The following PRKCE variants were observed in gnomAD, a reference collection of about 807,000 sequenced individuals.
The protein encoded by PRKCE is protein kinase C epsilon, also known as protein kinase C epsilon type.
PRKCE carries 16 observed loss-of-function variants against 85.4 expected under a neutral mutation model. That is an observed-to-expected ratio of 0.19 (90% CI 0.13 to 0.28). The LOEUF (loss-of-function observed/expected upper bound fraction) is 0.28, where lower values mean the gene tolerates loss of function less well. Ranked by LOEUF, PRKCE falls within the 10% of genes least tolerant of loss-of-function variation. The pLI, the probability that PRKCE is intolerant of heterozygous loss-of-function variation, is 1.00. For synonymous variants in PRKCE, 388 were observed against 371.5 expected, an observed-to-expected ratio of 1.04 and a Z score of -0.51; for missense variants, 573 against 975.2, an observed-to-expected ratio of 0.59 and a Z score of 5.49.
chr2:45,677,049 GGCGACATTTCA>G (rs1233485315), intron 1 of PRKCE: 3 of 152,096 alleles, frequency 2.0e-5, no homozygotes, highest in Middle Eastern at 3.1e-3. Flanking sequence ...TTTGGGAGAA[GGCGACATTTCA>G]GCAGAGACCT....
intron 2 of PRKCE, among the ~76,000 whole-genome samples, chr2:45,904,950 C>T (rs1227058863): frequency 3.9e-5 from 6 of 152,116 alleles, no homozygotes; most frequent in African/African-American, 1.2e-4. Flanking sequence ...TGTGAGGTCC[C>T]GGGCGTGGAC....
chr2:45,774,047 A>C lies in PRKCE; in HGVS notation c.349-68953A>C, dbSNP rs1685558091. Among the ~76,000 whole-genome samples the C allele has an allele frequency of 6.6e-6, 1 of 152,118 alleles. No homozygotes were observed. Among genetic ancestry groups the C allele is most frequent in the Non-Finnish European group, 1.5e-5 (1 of 67,996 alleles). Reference sequence around the variant, plus strand: ...GTAGAAATTTCCTTCTAGACCCCAGAGTCCTCCCCTCCCCCGCTGCTGCTG... The same window carrying C: ...GTAGAAATTTCCTTCTAGACCCCAGCGTCCTCCCCTCCCCCGCTGCTGCTG... On this transcript the variant is annotated intron_variant, in intron 1 of 14. Coordinates refer to ENST00000306156, the MANE Select transcript of PRKCE (RefSeq NM_005400.3). This position sits in a 1 kb window ranked among gnomAD's most constrained non-coding sequence, Gnocchi z 4.3.
chr2:45,802,426 C>A (rs1399590105), intron 1 of PRKCE, among the ~76,000 whole-genome samples: 1 of 151,782 alleles, frequency 6.6e-6, no homozygotes. Flanking sequence ...GCATAAAGGT[C>A]CATCTTAAAG....
At chr2:45,860,091 G>A (rs374680677) in intron 2 of PRKCE, among the ~76,000 whole-genome samples, 10 of 151,370 alleles carry the variant, frequency 6.6e-5, no homozygotes, top group Admixed American at 3.3e-4. Context: ...CTAATTATCC[G>A]TTTGCCCCTC....
At chr2:46,034,883 CAA>C (rs754094533) in intron 10 of PRKCE, among the ~76,000 whole-genome samples, 1 of 152,378 alleles carries the variant, frequency 6.6e-6, no homozygotes, top group East Asian at 1.9e-4. Flanking sequence ...TGCACCTTTG[CAA>C]ACCATTCTGA....
rs976468010 is a variant in PRKCE, at chr2:45,786,791, A to T, written c.349-56209A>T. Among the ~76,000 whole-genome samples, 1 of 152,182 alleles carries T rather than the reference A, an allele frequency of 6.6e-6. No individual in the cohort carries two copies. The highest frequency in any genetic ancestry group is 1.5e-5 in the Non-Finnish European group (1 of 68,028). ...CCTCCAACAGTTCAGTGAGGTAACC[A>T]CTACCCTCACCCCCGTTTTACAGAG... On this transcript the variant is annotated intron_variant, in intron 1 of 14. Coordinates refer to ENST00000306156, the MANE Select transcript of PRKCE (RefSeq NM_005400.3). The surrounding 1 kb of genome is among the most constrained non-coding windows in gnomAD (Gnocchi z 5.3).
At chr2:45,776,342 C>T (rs4952773) in intron 1 of PRKCE, among the ~76,000 whole-genome samples, 80,698 of 152,064 alleles carry the variant, frequency 0.53, 23,827 homozygotes, top group East Asian at 0.74. Context: ...GAATCCCCTA[C>T]GAGTTTCGGC....
At chr2:46,183,077 C>T (rs1680155596) in intron 14 of PRKCE, among the ~76,000 whole-genome samples, 1 of 152,198 alleles carries the variant, frequency 6.6e-6, no homozygotes, top group Non-Finnish European at 1.5e-5. Context: ...ATCAAATGAG[C>T]GAATAAATGC....
chr2:46,046,117 T>C (rs1403295040), intron 10 of PRKCE, among the ~76,000 whole-genome samples: 1 of 152,234 alleles, frequency 6.6e-6, no homozygotes, highest in Non-Finnish European at 1.5e-5. Context: ...GAGAGGCCAG[T>C]GCCCCTGCTT....
intron 11 of PRKCE, among the ~76,000 whole-genome samples, chr2:46,142,988 A>C (rs1675705255): frequency 6.6e-6 from 1 of 152,192 alleles, no homozygotes; most frequent in African/African-American, 2.4e-5. Context: ...GCATTGGAGG[A>C]AGTCAACCAA....
intron 2 of PRKCE, among the ~76,000 whole-genome samples, chr2:45,863,309 A>G (rs1364300886): frequency 1.3e-5 from 2 of 152,118 alleles, no homozygotes; most frequent in Non-Finnish European, 2.9e-5. Context: ...TATCTCCTAC[A>G]TAAAGGTAGG....
intron 1 of PRKCE, among the ~76,000 whole-genome samples, chr2:45,827,197 C>T (rs1030158195): frequency 3.9e-5 from 6 of 152,248 alleles, no homozygotes; most frequent in African/African-American, 1.4e-4. Flanking sequence ...ACCTCCATGC[C>T]TTTGCATCTG....
intron 11 of PRKCE, among the ~76,000 whole-genome samples, chr2:46,107,902 G>A (rs184138538): frequency 6.6e-6 from 1 of 152,174 alleles, no homozygotes; most frequent in African/African-American, 2.4e-5. Flanking sequence ...TTTTAATTGA[G>A]TTGTTTTCTT....
intron 2 of PRKCE, among the ~76,000 whole-genome samples, chr2:45,857,562 G>A (rs983133564): frequency 2.0e-5 from 3 of 152,062 alleles, no homozygotes; most frequent in Non-Finnish European, 4.4e-5. Flanking sequence ...TCATTGTTTC[G>A]ATGGATTGAT....
intron 4 of PRKCE, 22 bp downstream of exon 4, chr2:45,979,032 A>T (rs780966086): frequency 6.3e-7 from 1 of 1,597,826 alleles, no homozygotes; most frequent in South Asian, 1.1e-5. Context: ...TTATGAATTA[A>T]ATCTTCAGAG....
At chr2:46,156,813 A>C (rs1449283126) in intron 13 of PRKCE, among the ~76,000 whole-genome samples, 1 of 152,212 alleles carries the variant, frequency 6.6e-6, no homozygotes, top group Non-Finnish European at 1.5e-5. Flanking sequence ...AACACAAAGC[A>C]TAAAATCAGA....
intron 5 of PRKCE, among the ~76,000 whole-genome samples, chr2:45,983,899 G>C (rs997698861): frequency 6.6e-6 from 1 of 151,838 alleles, no homozygotes; most frequent in African/African-American, 2.4e-5. Flanking sequence ...TTTTTGCCTA[G>C]GTGGGGCTTC....
intron 2 of PRKCE, among the ~76,000 whole-genome samples, chr2:45,882,815 TCC>T (rs1463244998): frequency 6.6e-6 from 1 of 152,234 alleles, no homozygotes; most frequent in Admixed American, 6.5e-5. Context: ...ACGTGTTACC[TCC>T]GAGTCTGCCG....
chr2:46,022,838 C>G (rs1224422273), intron 10 of PRKCE, among the ~76,000 whole-genome samples: 2 of 151,718 alleles, frequency 1.3e-5, no homozygotes, highest in South Asian at 2.1e-4. Flanking sequence ...AATCCCAGCA[C>G]TTTGGGAGGC....
Sources: gnomAD v4.1 joint callset for allele counts (sites outside exome capture counted in the v4.1 genomes callset) on GRCh38, gnomAD v4.1.1 for gene constraint, Gnocchi (gnomAD v3.1) non-coding constraint, MANE v1.5 for transcripts, NCBI Gene and HGNC (gene_info 2026-07-23, HGNC 2026-07-21) for gene names.